EXOC6: variants seen among roughly 807,000 people sequenced by gnomAD.
EXOC6 encodes the protein exocyst complex component 6, also known as SEC15-like 1.
A neutral mutation model predicts 112.5 loss-of-function variants in EXOC6; 60 were observed. The ratio of observed to expected loss-of-function variants is 0.53; its 90% confidence interval spans 0.43 to 0.66. The LOEUF (loss-of-function observed/expected upper bound fraction) is 0.66. Among genes scored for constraint, EXOC6 ranks in the 30% least tolerant of loss-of-function variants. EXOC6 has a pLI of 0.00. For synonymous variants in EXOC6, 295 were observed against 308.0 expected (o/e 0.96, Z 0.44); for missense variants, 855 against 957.1 (o/e 0.89, Z 1.41).
rs1202223089 is a variant in EXOC6 at position 92,920,029 on chromosome 10, T to C, written c.867T>C (p.Cys289=). ...TTGATTTTTCCCCTGTTTATCGATG[T>C]TTGCACATTTATTCTGTTTTGGTAA... The part of the protein sequence containing the change: ...DLVDFSPVYR[C]LHIYSVLGDE... Residue 289 remains cysteine, a synonymous_variant, in exon 8 of 22, where the codon TGT becomes TGC. Transcript: ENST00000260762. 6.2e-7 allele frequency: 1 copy of C among 1,605,114 alleles called. No individual in the cohort carries two copies. Among genetic ancestry groups the C allele is most frequent in the Admixed American group, 1.7e-5 (1 of 59,452 alleles).
intron 5 of EXOC6, among the ~76,000 whole-genome samples, chr10:92,903,600 T>C (rs937141424): frequency 5.9e-5 from 9 of 152,092 alleles, no homozygotes; most frequent in African/African-American, 2.2e-4. Flanking sequence ...TGTTTTCTTT[T>C]GTGAAGTGTC....
In EXOC6 at chr10:92,862,276, C is replaced by T. The variant is rs182445914; in HGVS notation, c.101+13642C>T. ...GTGTGTCTGGCTTCTTCCACGTTAG[C>T]GTGCTCATTTATATTGTAGCATGAA... On this transcript the variant is annotated intron_variant, in intron 1 of 21. Coordinates refer to ENST00000260762, the MANE Select transcript of EXOC6 (RefSeq NM_019053.6). 5.3e-4 allele frequency among the ~76,000 whole-genome samples: 81 copies of T among 152,192 alleles called. 2 individuals are homozygous for T. The highest frequency in any genetic ancestry group is 4.1e-3 in the South Asian group (20 of 4,824).
chr10:93,053,540 AC>A (rs1216024319), intron 20 of EXOC6, among the ~76,000 whole-genome samples: 3 of 152,126 alleles, frequency 2.0e-5, no homozygotes, highest in Non-Finnish European at 2.9e-5. Context: ...CTTTATCAAT[AC>A]CCCAGTGAAA....
intron 21 of EXOC6, among the ~76,000 whole-genome samples, chr10:93,057,938 T>C (rs1337701733): frequency 2.6e-5 from 4 of 152,180 alleles, no homozygotes; most frequent in African/African-American, 9.6e-5. Flanking sequence ...TAGCATACTT[T>C]GTGGAATAAT....
chr10:92,935,935 AC>A, intron 12 of EXOC6, 50 bp downstream of exon 12: 1 of 1,187,186 alleles, frequency 8.4e-7, no homozygotes, highest in Non-Finnish European at 1.2e-6. Context: ...TTAAAAACAT[AC>A]AAAATATAGG....
chr10:93,014,121 AT>A (rs1844387660), intron 19 of EXOC6, 72 bp from the exon 20 acceptor site: 3 of 1,090,138 alleles, frequency 2.8e-6, no homozygotes, highest in Middle Eastern at 2.0e-4. Context: ...ATGAGTAGAA[AT>A]TAATTTATCA....
chr10:92,961,590 A>T (rs1207818882), intron 17 of EXOC6, among the ~76,000 whole-genome samples: 1 of 152,196 alleles, frequency 6.6e-6, no homozygotes, highest in African/African-American at 2.4e-5. Context: ...TGCCAAAAAC[A>T]TAAAAGGTAA....
At chr10:92,854,901 GT>G (rs139993763) in intron 1 of EXOC6, among the ~76,000 whole-genome samples, 5,825 of 152,170 alleles carry the variant, frequency 0.038, 141 homozygotes, top group Non-Finnish European at 0.056. Flanking sequence ...GAGTATTTGG[GT>G]TTTTTCCCCC....
chr10:92,841,311 C>A (rs1289975212), intron 1 of EXOC6, among the ~76,000 whole-genome samples: 1 of 152,172 alleles, frequency 6.6e-6, no homozygotes, highest in Non-Finnish European at 1.5e-5. Context: ...TGAGATCATG[C>A]AGTATTTGCA....
rs143435400 is a variant in EXOC6 at position 92,952,504 on chromosome 10, T to A, written c.1526+122T>A. ...TTTAGATTCATGGGGTACATGTTTGTTATAGGGGCATATTGTGTAATGCTG... is the reference window on the plus strand; with the variant it reads ...TTTAGATTCATGGGGTACATGTTTGATATAGGGGCATATTGTGTAATGCTG... On this transcript the variant is annotated intron_variant, in intron 15 of 21. Coordinates refer to ENST00000260762, the MANE Select transcript of EXOC6 (RefSeq NM_019053.6). 86 of 685,288 alleles carry A rather than the reference T, an allele frequency of 1.3e-4. No homozygotes were observed. In the Admixed American group the frequency reaches 2.2e-3, roughly 18 times the overall value. 42.5% of individuals were successfully genotyped at this position (685,288 alleles called of 1,614,324 possible).
intron 1 of EXOC6, among the ~76,000 whole-genome samples, chr10:92,859,861 G>GTGTGTT (rs1847822337): frequency 6.8e-6 from 1 of 146,190 alleles, no homozygotes; most frequent in East Asian, 2.0e-4. Flanking sequence ...GTGTGTGTGT[G>GTGTGTT]TTGGAGGCAT....
At chr10:92,910,552 A>G (rs922277200) in intron 6 of EXOC6, among the ~76,000 whole-genome samples, 6 of 152,184 alleles carry the variant, frequency 3.9e-5, no homozygotes, top group Non-Finnish European at 8.8e-5. Context: ...TCAAACTTGT[A>G]CAGATCTTAG....
chr10:92,834,732 T>C (rs2133570197), exon 1 of EXOC6: 2 of 1,605,040 alleles, frequency 1.2e-6, no homozygotes, highest in Non-Finnish European at 1.7e-6. Flanking sequence ...TAGGGGCCTG[T>C]CGAGCGATGT....
intron 18 of EXOC6, among the ~76,000 whole-genome samples, chr10:92,995,606 A>C (rs1263656613): frequency 3.3e-5 from 5 of 152,152 alleles, no homozygotes; most frequent in African/African-American, 1.2e-4. Context: ...ATGACATGCC[A>C]TTGATTTCTC....
chr10:92,906,363 A>G (rs946589587), intron 5 of EXOC6, among the ~76,000 whole-genome samples: 2 of 152,274 alleles, frequency 1.3e-5, no homozygotes, highest in East Asian at 3.9e-4. Flanking sequence ...AAAAGAATAG[A>G]AGAGACTGAA....
intron 6 of EXOC6, 27 bp downstream of exon 6, chr10:92,909,658 A>G: frequency 7.1e-7 from 1 of 1,410,450 alleles, no homozygotes; most frequent in South Asian, 1.2e-5. Context: ...TTTTGATTTA[A>G]TATTATTTAG....
intron 1 of EXOC6, among the ~76,000 whole-genome samples, chr10:92,840,838 T>C (rs375505353): frequency 6.6e-6 from 1 of 151,736 alleles, no homozygotes; most frequent in African/African-American, 2.4e-5. Context: ...TTGTATTTTT[T>C]GTAGAGACGA....
chr10:92,935,770 G>T (rs1396745047), intron 11 of EXOC6, 44 bp from the exon 12 acceptor site: 1 of 1,278,778 alleles, frequency 7.8e-7, no homozygotes, highest in Non-Finnish European at 1.1e-6. Context: ...ACTCTGGTTT[G>T]TTGTTGTCGG....
chr10:92,832,180 T>A (rs1846505787), upstream of EXOC6, among the ~76,000 whole-genome samples: 3 of 152,248 alleles, frequency 2.0e-5, no homozygotes, highest in African/African-American at 7.2e-5. Context: ...TTTGCACCAT[T>A]TCCTTACAAG....
Sources: gnomAD v4.1 joint callset for allele counts (sites outside exome capture counted in the v4.1 genomes callset) on GRCh38, gnomAD v4.1.1 for gene constraint, MANE v1.5 for transcripts, NCBI Gene and HGNC (gene_info 2026-07-23, HGNC 2026-07-21) for gene names.